Variants in LRCOL1 observed in about 807,000 individuals in gnomAD.
LRCOL1 encodes leucine-rich colipase-like protein 1.
Under a neutral mutation model 21.6 loss-of-function variants are expected in LRCOL1, and 21 were observed. The ratio of observed to expected loss-of-function variants is 0.97; its 90% CI spans 0.69 to 1.40. The LOEUF (loss-of-function observed/expected upper bound fraction) is 1.40, where lower values mean the gene tolerates loss of function less well. Ranked by LOEUF, LRCOL1 falls within the 40% of genes most tolerant of loss-of-function variation. The pLI is 0.00. For synonymous variants in LRCOL1, 98 were observed against 90.1 expected (o/e 1.09, Z -0.49); for missense variants, 198 against 202.3 (o/e 0.98, Z 0.13).
chr12:132,604,202 C>T (rs1423065860), intron 5 of LRCOL1, 52 bp downstream of exon 5: 1 of 1,493,986 alleles, frequency 6.7e-7, no homozygotes, highest in Non-Finnish European at 8.9e-7. Context: ...GTGCGACTTC[C>T]CTGTGGCGGC....
At chr12:132,604,004 C>T (rs1210780848) in intron 5 of LRCOL1, 32 of 1,356,456 alleles carry the variant, frequency 2.4e-5, no homozygotes, top group Non-Finnish European at 2.8e-5. Context: ...TCCGCAGGCT[C>T]TGACGGTCTC....
chr12:132,609,818 A>G (rs1316416101), intron 1 of LRCOL1, among the ~76,000 whole-genome samples: 2 of 152,226 alleles, frequency 1.3e-5, no homozygotes, highest in Non-Finnish European at 2.9e-5. Flanking sequence ...ATGGAAGCTC[A>G]TTATTTTCAA....
At chr12:132,603,675 C>T in intron 5 of LRCOL1, 1 of 985,290 alleles carries the variant, frequency 1.0e-6, no homozygotes, top group Non-Finnish European at 1.2e-6. Context: ...CAAACCTCAC[C>T]TCTGGGTGCC....
At position 132,606,119 on chromosome 12, in the gene LRCOL1, A is replaced by G; in HGVS notation, c.105+28T>C. 1 of 1,532,246 alleles carries G rather than the reference A, an allele frequency of 6.5e-7. No homozygotes were observed. Among genetic ancestry groups the G allele is most frequent in the South Asian group, 1.2e-5 (1 of 83,962 alleles). The allele number at this position is 1,532,246 out of a possible 1,614,324, so 94.9% of individuals were successfully genotyped here. Reference sequence around the variant, plus strand: ...ACCTTATGGCGCGTGTGGGGCCTGCAGGGGCATCAGGGGTGCCCGGCACCC... The same window carrying G: ...ACCTTATGGCGCGTGTGGGGCCTGCGGGGGCATCAGGGGTGCCCGGCACCC... On this transcript the variant is annotated intron_variant, in intron 2 of 5. Coordinates refer to ENST00000376608, the MANE Select transcript of LRCOL1 (RefSeq NM_001195520.2). The surrounding 1 kb of genome is among the most constrained non-coding windows in gnomAD (Gnocchi z 4.6).
At chr12:132,607,459 G>A (rs2041322960) in intron 1 of LRCOL1, among the ~76,000 whole-genome samples, 1 of 152,340 alleles carries the variant, frequency 6.6e-6, no homozygotes, top group South Asian at 2.1e-4. Flanking sequence ...GATGAAGGGC[G>A]AATATGAAGT....
chr12:132,606,807 C>A lies in LRCOL1; in HGVS notation c.-13-543G>T, dbSNP rs1208748632. Among the ~76,000 whole-genome samples, 1 of 152,082 alleles carries A rather than the reference C, an allele frequency of 6.6e-6. No individual in the cohort carries two copies. Among genetic ancestry groups the A allele is most frequent in the Non-Finnish European group, 1.5e-5 (1 of 68,002 alleles). On this transcript the variant is annotated intron_variant, in intron 1 of 5. Transcript: ENST00000376608. The surrounding 1 kb of genome is among the most constrained non-coding windows in gnomAD (Gnocchi z 4.6). ...TCGGTCTGTAGCCTTTTCGGGTTGG[C>A]TTATTTCACTAAGTGCCATTTAAGG...
In LRCOL1 at chr12:132,604,303, G is replaced by A; in HGVS notation, c.428C>T (p.Pro143Leu). 6.5e-7 allele frequency: 1 copy of A among 1,535,764 alleles called. No individual in the cohort carries two copies. The highest frequency in any genetic ancestry group is 8.7e-7 in the Non-Finnish European group (1 of 1,146,810). ...CCCGGTCCGGGGAATGCAGCGGAAG[G>A]GGCTGTACTCCCTCAGCTGGATGCA... The part of the protein sequence containing the change: ...QCCIQLREYS[P>L]FRCIPRTGIL... The change falls in exon 5 of 6, where the codon CCC becomes CTC. Residue 143 changes from proline (P) to leucine (L), a missense_variant. By Grantham distance (98) the Pro-to-Leu change is moderately conservative. Coordinates refer to ENST00000376608, the MANE Select transcript of LRCOL1 (RefSeq NM_001195520.2).
At position 132,606,113 on chromosome 12, in the gene LRCOL1, G is replaced by A; in HGVS notation, c.105+34C>T. Reference sequence around the variant, plus strand: ...GCACCCACCTTATGGCGCGTGTGGGGCCTGCAGGGGCATCAGGGGTGCCCG... The same window carrying A: ...GCACCCACCTTATGGCGCGTGTGGGACCTGCAGGGGCATCAGGGGTGCCCG... On this transcript the variant is annotated intron_variant, in intron 2 of 5. Coordinates refer to ENST00000376608, the MANE Select transcript of LRCOL1 (RefSeq NM_001195520.2). The surrounding 1 kb of genome is among the most constrained non-coding windows in gnomAD (Gnocchi z 4.6). 1 of 1,530,690 alleles carries A rather than the reference G, an allele frequency of 6.5e-7. No homozygotes were observed. Among genetic ancestry groups the A allele is most frequent in the South Asian group, 1.2e-5 (1 of 83,938 alleles). 94.8% of individuals were successfully genotyped at this position (1,530,690 alleles called of 1,614,324 possible). A position where few individuals can be genotyped will look rare whatever the true frequency, so the allele number is the denominator to read the frequency against.
chr12:132,606,145 A>C lies in LRCOL1; in HGVS notation c.105+2T>G. The C allele has an allele frequency of 6.5e-7, 1 of 1,536,100 alleles. No homozygotes were observed. The highest frequency in any genetic ancestry group is 8.7e-7 in the Non-Finnish European group (1 of 1,146,858). On this transcript the variant is annotated splice_donor_variant, in intron 2 of 5. Transcript: ENST00000376608. LOFTEE classifies it high-confidence loss of function. The surrounding 1 kb of genome is among the most constrained non-coding windows in gnomAD (Gnocchi z 4.6). The stretch of plus-strand genomic sequence containing the variant: ...GGGGCATCAGGGGTGCCCGGCACCC[A>C]CCTTATGGGACAGGTTCAACTTCTT...
rs539233406 is a variant in LRCOL1 at position 132,603,619 on chromosome 12, G to A, written c.478-215C>T. 8 of 90,970 alleles carry A rather than the reference G, an allele frequency of 8.8e-5. No individual in the cohort carries two copies. In the African/African-American group the frequency reaches 1.3e-3, roughly 14 times the overall value. 5.6% of individuals were successfully genotyped at this position (90,970 alleles called of 1,614,324 possible). ...AGCTGCTCCCAGCGCCCACGAGGGC[G>A]CCTGGTGGTACCCGAGGGCGCCTGG... On this transcript the variant is annotated intron_variant, in intron 5 of 5. Coordinates refer to ENST00000376608, the MANE Select transcript of LRCOL1 (RefSeq NM_001195520.2).
chr12:132,603,773 C>T (rs1187367425), intron 5 of LRCOL1: 5 of 985,322 alleles, frequency 5.1e-6, no homozygotes, highest in African/African-American at 1.7e-5. Context: ...GCGACCTGGC[C>T]CCCTCCCCTG....
chr12:132,603,601 C>T, intron 5 of LRCOL1, 197 bp from the exon 6 acceptor site: 1 of 984,662 alleles, frequency 1.0e-6, no homozygotes, highest in Non-Finnish European at 1.2e-6. Flanking sequence ...CGGAGCTGCT[C>T]CCAGCGCCCA....
rs1407396050 is a variant in LRCOL1, at chr12:132,607,811, CTCTCTGTCTCTTTCTG to C, written c.-13-1563_-13-1548del. On this transcript the variant is annotated intron_variant, in intron 1 of 5. Coordinates refer to ENST00000376608, the MANE Select transcript of LRCOL1 (RefSeq NM_001195520.2). ...TCCCTCTCTCTGTCTCTGTCTCCCTCTCTCTGTCTCTTTCTGTCTCTGTCTCTTTCTGTCTCTGTCT... is the reference window on the plus strand; with the variant it reads ...TCCCTCTCTCTGTCTCTGTCTCCCTCTCTCTGTCTCTTTCTGTCTCTGTCT... 7.3e-5 allele frequency among the ~76,000 whole-genome samples: 11 copies of C among 150,240 alleles called. 1 individual carries two copies. The highest frequency in any genetic ancestry group is 1.2e-4 in the Non-Finnish European group (8 of 67,536).
chr12:132,606,276 C>T lies in LRCOL1; in HGVS notation c.-13-12G>A. The T allele has an allele frequency of 6.5e-7, 1 of 1,535,594 alleles. No individual in the cohort carries two copies. Among genetic ancestry groups the T allele is most frequent in the Non-Finnish European group, 8.7e-7 (1 of 1,146,612 alleles). On this transcript the variant is annotated splice_polypyrimidine_tract_variant and intron_variant, in intron 1 of 5. Transcript: ENST00000376608. This position sits in a 1 kb window ranked among gnomAD's most constrained non-coding sequence, Gnocchi z 4.6. Reference sequence around the variant, plus strand: ...TCGGGTGTGTGGACCTGCAGAGACCCAGGATTGTGTGGGAGTGTGTCCACG... The same window carrying T: ...TCGGGTGTGTGGACCTGCAGAGACCTAGGATTGTGTGGGAGTGTGTCCACG...
At position 132,604,265 on chromosome 12, in the gene LRCOL1, A is replaced by C; in HGVS notation, c.466T>G (p.Cys156Gly). The C allele has an allele frequency of 6.5e-7, 1 of 1,534,694 alleles. No individual in the cohort carries two copies. The highest frequency in any genetic ancestry group is 8.7e-7 in the Non-Finnish European group (1 of 1,146,326). ...CGCCCGGGACTTACCAGGGGCAGGC[A>C]CTGGGCCAGGATCCCGGTCCGGGGA... is the stretch of plus-strand genomic sequence containing the variant. ...CIPRTGILAQ[C>G]LPL Residue 156 changes from cysteine to glycine, a missense_variant, in exon 5 of 6, where the codon TGC (cysteine) becomes GGC (glycine). By Grantham distance (159) the Cys-to-Gly change is radical (BLOSUM62 -3). Coordinates refer to ENST00000376608, the MANE Select transcript of LRCOL1 (RefSeq NM_001195520.2).
In LRCOL1 at chr12:132,606,020, T is replaced by G. The variant is rs913274903; in HGVS notation, c.105+127A>C. On this transcript the variant is annotated intron_variant, in intron 2 of 5. Transcript: ENST00000376608. This position sits in a 1 kb window ranked among gnomAD's most constrained non-coding sequence, Gnocchi z 4.6. ...ATCCAGGAAGGCGCTTTGTGTCCCT[T>G]TGAGACCCTCCTGACGGAAAGTGGC... 1.2e-6 allele frequency: 1 copy of G among 849,326 alleles called. No individual in the cohort carries two copies. The highest frequency in any genetic ancestry group is 1.7e-5 in the South Asian group (1 of 59,446). The allele number at this position is 849,326 out of a possible 1,614,324, so 52.6% of individuals were successfully genotyped here.
chr12:132,604,682 C>A (rs1470129649), intron 3 of LRCOL1, 24 bp downstream of exon 3: 2 of 1,530,698 alleles, frequency 1.3e-6, no homozygotes, highest in South Asian at 1.2e-5. Flanking sequence ...CGCTCCTCCA[C>A]CCCCGCCCCT....
chr12:132,603,824 G>T, intron 5 of LRCOL1: 1 of 985,436 alleles, frequency 1.0e-6, no homozygotes, highest in Non-Finnish European at 1.2e-6. Context: ...ACCGAGCACG[G>T]CTTGTCCCAT....
Position 132,606,232 on chromosome 12 carries a change from G to A in LRCOL1, c.20C>T (p.Thr7Met), listed in dbSNP as rs12819734. MAGPGW[T>M]LLLLLLLLLL... is the part of the protein sequence containing the mutation. ...CAGCAGCAGCAGCAGTAGCAGCAGCGTCCACCCCGGGCCGGCCATCGGGTG... is the reference window on the plus strand; with the variant it reads ...CAGCAGCAGCAGCAGTAGCAGCAGCATCCACCCCGGGCCGGCCATCGGGTG... Residue 7 changes from threonine to methionine, a missense_variant, in exon 2 of 6, where the codon ACG becomes ATG. By Grantham distance (81) the Thr-to-Met change is moderately conservative. Coordinates refer to ENST00000376608, the MANE Select transcript of LRCOL1 (RefSeq NM_001195520.2). The surrounding 1 kb of genome is among the most constrained non-coding windows in gnomAD (Gnocchi z 4.6). 649,903 of 1,536,126 alleles carry A rather than the reference G, an allele frequency of 0.42. 139,852 individuals are homozygous for A. The highest frequency in any genetic ancestry group is 0.62 in the East Asian group (25,322 of 40,872).
Sources: gnomAD v4.1 joint callset for allele counts (sites outside exome capture counted in the v4.1 genomes callset) on GRCh38, gnomAD v4.1.1 for gene constraint, Gnocchi (gnomAD v3.1) non-coding constraint, MANE v1.5 for transcripts, NCBI Gene and HGNC (gene_info 2026-07-23, HGNC 2026-07-21) for gene names.